ALDH1L1: variants seen among roughly 807,000 people sequenced by gnomAD.
ALDH1L1 encodes the protein cytosolic 10-formyltetrahydrofolate dehydrogenase.
ALDH1L1 carries 68 observed loss-of-function variants against 101.1 expected under a neutral mutation model. The ratio of observed to expected loss-of-function variants is 0.67; its 90% confidence interval spans 0.55 to 0.82. The LOEUF is 0.82. ALDH1L1 is among the 40% of genes least tolerant of loss of function. The pLI is 0.00. For synonymous variants in ALDH1L1, 486 were observed against 470.8 expected (o/e 1.03, Z -0.42); for missense variants, 1,087 against 1,172.7 (o/e 0.93, Z 1.07).
intron 8 of ALDH1L1, among the ~76,000 whole-genome samples, chr3:126,147,879 G>A (rs144896034): frequency 5.6e-4 from 85 of 152,220 alleles, no homozygotes; most frequent in African/African-American, 2.0e-3. Flanking sequence ...CGCACTGTCT[G>A]CCACACACCT....
chr3:126,104,291 G>A (rs923954787), intron 22 of ALDH1L1: 1 of 183,316 alleles, frequency 5.5e-6, no homozygotes, highest in African/African-American at 2.3e-5. Flanking sequence ...TGTGGCTGGT[G>A]CATCTCAGCC....
upstream of ALDH1L1, among the ~76,000 whole-genome samples, chr3:126,183,364 G>C (rs1040978715): frequency 2.6e-5 from 4 of 151,918 alleles, no homozygotes; most frequent in Admixed American, 1.3e-4. Context: ...GGACTGAAAG[G>C]GTCAGAGACA....
intron 9 of ALDH1L1, among the ~76,000 whole-genome samples, chr3:126,143,377 C>T (rs1191320485): frequency 6.6e-6 from 1 of 152,152 alleles, no homozygotes; most frequent in African/African-American, 2.4e-5. Flanking sequence ...GGGTGATCCA[C>T]GTATCAGGTG....
At chr3:126,175,210 T>G (rs1488405842) in intron 1 of ALDH1L1, among the ~76,000 whole-genome samples, 4 of 152,132 alleles carry the variant, frequency 2.6e-5, no homozygotes. Context: ...ATAGATAATC[T>G]GAATAGGCCT....
At chr3:126,150,884 G>A (rs1040212949) in intron 7 of ALDH1L1, 4 of 264,742 alleles carry the variant, frequency 1.5e-5, no homozygotes, top group Non-Finnish European at 2.9e-5. Context: ...CAGTTCCTGT[G>A]GTCGGACCTG....
At chr3:126,166,671 T>C (rs1411531354) in intron 1 of ALDH1L1, among the ~76,000 whole-genome samples, 3 of 152,120 alleles carry the variant, frequency 2.0e-5, no homozygotes, top group Non-Finnish European at 4.4e-5. Context: ...CAAATCCAGC[T>C]TCCCAAAAAT....
intron 6 of ALDH1L1, among the ~76,000 whole-genome samples, chr3:126,154,117 C>T (rs1166367013): frequency 6.6e-6 from 1 of 152,180 alleles, no homozygotes; most frequent in African/African-American, 2.4e-5. Flanking sequence ...AGTCCCGCCA[C>T]CCCTGATGCC....
rs1290678505 is a variant in ALDH1L1, at chr3:126,109,827, C to A, written c.2347+117G>T. ...TCCCAGGTCCCAGATGGGGCTGCAG[C>A]CTGACTGTGTAGGTACCTGGCCTTC... On this transcript the variant is annotated intron_variant, in intron 20 of 22. Transcript: ENST00000393434. 15 of 1,437,432 alleles carry A rather than the reference C, an allele frequency of 1.0e-5. No individual in the cohort carries two copies. The Admixed American group carries it at 2.5e-4, about 24-fold the overall frequency. The allele number at this position is 1,437,432 out of a possible 1,614,324, so 89.0% of individuals were successfully genotyped here. A position where few individuals can be genotyped will look rare whatever the true frequency, so the allele number is the denominator to read the frequency against.
At chr3:126,178,886 A>G (rs2081416220) in intron 1 of ALDH1L1, among the ~76,000 whole-genome samples, 1 of 151,396 alleles carries the variant, frequency 6.6e-6, no homozygotes, top group African/African-American at 2.4e-5. Context: ...GACTGTAATT[A>G]TTTTGTTTTC....
chr3:126,107,845 C>A (rs1945937962), intron 20 of ALDH1L1: 1 of 153,180 alleles, frequency 6.5e-6, no homozygotes, highest in Non-Finnish European at 1.5e-5. Flanking sequence ...GGCAGAAGCA[C>A]TTCTGACAAC....
At chr3:126,148,644 C>T (rs114417926) in intron 8 of ALDH1L1, among the ~76,000 whole-genome samples, 2,126 of 152,230 alleles carry the variant, frequency 0.014, 54 homozygotes, top group African/African-American at 0.049. Context: ...CTCCAGAGCC[C>T]GGACTCCACT....
At chr3:126,147,014 G>C in intron 8 of ALDH1L1, 88 bp from the exon 9 acceptor site, 1 of 1,286,662 alleles carries the variant, frequency 7.8e-7, no homozygotes, top group Non-Finnish European at 1.1e-6. Flanking sequence ...ACAGACTCAT[G>C]GATGGCCTGG....
intron 8 of ALDH1L1, among the ~76,000 whole-genome samples, chr3:126,147,478 C>T (rs1451729780): frequency 2.0e-5 from 3 of 152,218 alleles, no homozygotes; most frequent in Non-Finnish European, 4.4e-5. Context: ...AGGATTCAGT[C>T]TGGGACCTAT....
At chr3:126,128,671 C>T (rs2080236200) in intron 14 of ALDH1L1, 1 of 152,354 alleles carries the variant, frequency 6.6e-6, no homozygotes, top group Non-Finnish European at 1.5e-5. Context: ...GAGCCCTGGT[C>T]TGTGTGAGCT....
At chr3:126,125,409 GA>G (rs2080161228) in intron 15 of ALDH1L1, among the ~76,000 whole-genome samples, 1 of 152,242 alleles carries the variant, frequency 6.6e-6, no homozygotes. Context: ...AGCCATGGCT[GA>G]AAAAGAGTCT....
intron 18 of ALDH1L1, 139 bp downstream of exon 18, chr3:126,114,418 G>A (rs1946171560): frequency 1.7e-6 from 1 of 596,408 alleles, no homozygotes; most frequent in Non-Finnish European, 2.6e-6. Context: ...TGCCTGCCAC[G>A]CTATGCTTGT....
rs751513293 is a variant in ALDH1L1, at chr3:126,105,711, G to A, written c.2653+15C>T. The A allele has an allele frequency of 2.5e-6, 4 of 1,613,878 alleles. No homozygotes were observed. The highest frequency in any genetic ancestry group is 3.3e-5 in the Admixed American group (2 of 60,002). On this transcript the variant is annotated intron_variant, in intron 22 of 22. Transcript: ENST00000393434. ...TGAATAAATGAAAGCAACCCCACAGGCAGGAGTAGGTTACCTAGATCTTTG... is the reference window on the plus strand; with the variant it reads ...TGAATAAATGAAAGCAACCCCACAGACAGGAGTAGGTTACCTAGATCTTTG...
At chr3:126,124,539 G>C in intron 15 of ALDH1L1, 88 bp from the exon 16 acceptor site, 2 of 1,078,582 alleles carry the variant, frequency 1.9e-6, no homozygotes, top group Non-Finnish European at 2.8e-6. Flanking sequence ...TCTCCCAGCA[G>C]CCCAGCAGCA....
intron 3 of ALDH1L1, among the ~76,000 whole-genome samples, chr3:126,158,016 C>A (rs956413976): frequency 6.6e-6 from 1 of 152,120 alleles, no homozygotes; most frequent in Non-Finnish European, 1.5e-5. Flanking sequence ...CCCAGAGCAG[C>A]GGCAGTGGAA....
Sources: gnomAD v4.1 joint callset for allele counts (sites outside exome capture counted in the v4.1 genomes callset) on GRCh38, gnomAD v4.1.1 for gene constraint, MANE v1.5 for transcripts, NCBI Gene and HGNC (gene_info 2026-07-23, HGNC 2026-07-21) for gene names.